Variants in PLAUR observed in about 807,000 individuals in gnomAD.
The protein encoded by PLAUR is plasminogen activator, urokinase receptor, also known as urokinase plasminogen activator surface receptor.
Under a neutral mutation model 33.4 loss-of-function variants are expected in PLAUR, and 22 were observed. That is an observed-to-expected ratio of 0.66 (90% confidence interval 0.47 to 0.94). The LOEUF (loss-of-function observed/expected upper bound fraction) is 0.94. Ranked by LOEUF, PLAUR falls within the 40% of genes least tolerant of loss-of-function variation. The pLI is 0.00. For missense variants in PLAUR, 408 were observed against 434.7 expected (o/e 0.94, Z 0.55); for synonymous variants, 148 against 167.3 (o/e 0.88, Z 0.89).
At chr19:43,667,513 G>T in intron 2 of PLAUR, 68 bp downstream of exon 2, 2 of 1,071,494 alleles carry the variant, frequency 1.9e-6, no homozygotes, top group South Asian at 1.3e-5. Flanking sequence ...TTACTGGTGA[G>T]GAAGGTTTCT....
Position 43,670,089 on chromosome 19 carries a change from A to G in PLAUR, c.32T>C (p.Leu11Pro), listed in dbSNP as rs755139842. Residue 11 changes from leucine to proline, a missense_variant, in exon 1 of 7, where the codon CTG becomes CCG. Transcript: ENST00000340093. ...ACCTGGGACGCAGGTGTGGAGCAGC[A>G]GCAGCAGCGGCAGCAGCGGCGGGTG... is the stretch of plus-strand genomic sequence containing the variant. MGHPPLLPLL[L>P]LLHTCVPASW... 6.2e-7 allele frequency: 1 copy of G among 1,613,188 alleles called. No individual in the cohort carries two copies. Among genetic ancestry groups the G allele is most frequent in the Non-Finnish European group, 8.5e-7 (1 of 1,179,644 alleles).
Position 43,659,167 on chromosome 19 carries a change from C to CTTTTTTTTTTTTTTTTT in PLAUR, c.311-2528_311-2527insAAAAAAAAAAAAAAAAA, listed in dbSNP as rs3052823. Among the ~76,000 whole-genome samples the CTTTTTTTTTTTTTTTTT allele has an allele frequency of 1.2e-3, 112 of 97,090 alleles. 4 individuals are homozygous for CTTTTTTTTTTTTTTTTT. The highest frequency in any genetic ancestry group is 1.4e-3 in the Non-Finnish European group (74 of 52,272). The allele number at this position is 97,090 out of a possible 152,430, so 63.7% of individuals were successfully genotyped here. On this transcript the variant is annotated intron_variant, in intron 3 of 6. Transcript: ENST00000340093. Reference sequence around the variant, plus strand: ...GCTATTTTCCTTTTTCTTTTCTTTTCTTTTTTTTTTTTTTTGAGATAGGGT... The same window carrying CTTTTTTTTTTTTTTTTT: ...GCTATTTTCCTTTTTCTTTTCTTTTCTTTTTTTTTTTTTTTTTTTTTTTTTTTTTTTTGAGATAGGGT...
intron 6 of PLAUR, 31 bp downstream of exon 6, chr19:43,652,194 T>C (rs1264420302): frequency 3.1e-6 from 5 of 1,611,664 alleles, no homozygotes; most frequent in Non-Finnish European, 8.5e-7. Context: ...CCCCAATAAG[T>C]GTTCCCTCCC....
Position 43,670,125 on chromosome 19 carries a change from C to T in PLAUR, c.-5G>A. The T allele has an allele frequency of 1.9e-6, 3 of 1,609,766 alleles. No homozygotes were observed. Among genetic ancestry groups the T allele is most frequent in the Non-Finnish European group, 2.5e-6 (3 of 1,177,766 alleles). On this transcript the variant is annotated 5_prime_UTR_variant, in exon 1 of 7. Transcript: ENST00000340093. Reference sequence around the variant, plus strand: ...CAGCAGCGGCGGGTGACCCATGTCGCGAGGGCAGCTCCTGTGCGCGGGGTC... The same window carrying T: ...CAGCAGCGGCGGGTGACCCATGTCGTGAGGGCAGCTCCTGTGCGCGGGGTC...
At chr19:43,655,392 A>C (rs1419935470) in intron 5 of PLAUR, 47 bp downstream of exon 5, 1 of 1,599,714 alleles carries the variant, frequency 6.3e-7, no homozygotes, top group Admixed American at 1.7e-5. Context: ...GCCTGAGTGC[A>C]TGCCCCTGCC....
chr19:43,658,271 G>A (rs760599987), intron 3 of PLAUR, among the ~76,000 whole-genome samples: 1 of 152,158 alleles, frequency 6.6e-6, no homozygotes, highest in East Asian at 1.9e-4. Flanking sequence ...GCCATGGGAG[G>A]GGAGCATTCA....
intron 6 of PLAUR, among the ~76,000 whole-genome samples, chr19:43,651,366 C>T (rs150618033): frequency 0.023 from 3,515 of 152,148 alleles, 155 homozygotes; most frequent in African/African-American, 0.08. Context: ...CGTGAGCCAC[C>T]ACTCCTGGTT....
At chr19:43,665,214 T>C (rs1967172912) in intron 3 of PLAUR, 102 bp downstream of exon 3, 1 of 1,211,662 alleles carries the variant, frequency 8.3e-7, no homozygotes, top group Admixed American at 1.8e-5. Flanking sequence ...AGGCATGGAG[T>C]TGGGGTTCAG....
chr19:43,660,060 C>G lies in PLAUR; in HGVS notation c.311-3420G>C, dbSNP rs772997750. On this transcript the variant is annotated intron_variant, in intron 3 of 6. Transcript: ENST00000340093. Reference sequence around the variant, plus strand: ...TCTCTTGGTTTCTGGTCAATTGGTCCCTTTTATTTTCTTCAGGATACCTTG... The same window carrying G: ...TCTCTTGGTTTCTGGTCAATTGGTCGCTTTTATTTTCTTCAGGATACCTTG... 5.7e-4 allele frequency among the ~76,000 whole-genome samples: 86 copies of G among 151,894 alleles called. 1 individual carries two copies. Among genetic ancestry groups the G allele is most frequent in the Admixed American group, 9.8e-4 (15 of 15,260 alleles).
In PLAUR at chr19:43,670,029, C is replaced by T. The variant is rs369947389; in HGVS notation, c.55+37G>A. 2.7e-5 allele frequency: 44 copies of T among 1,608,386 alleles called. 1 individual carries two copies. The African/African-American group carries it at 5.7e-4, about 21-fold the overall frequency. ...AACCCCCAACCCCCTCAATTAGACC[C>T]TGTTCCAGGCGCAGGCGTTCGGGAC... On this transcript the variant is annotated intron_variant, in intron 1 of 6. Coordinates refer to ENST00000340093, the MANE Select transcript of PLAUR (RefSeq NM_002659.4).
rs560451512 is a variant in PLAUR at position 43,654,346 on chromosome 19, G to A, written c.607+1093C>T. On this transcript the variant is annotated intron_variant, in intron 5 of 6. Transcript: ENST00000340093. ...TAAACAAAGACTGTGAGGCAGACAG[G>A]TGCCAGATTACATAGGCCAACAGAA... Among the ~76,000 whole-genome samples, 3 of 152,074 alleles carry A rather than the reference G, an allele frequency of 2.0e-5. No individual in the cohort carries two copies. In the East Asian group the frequency reaches 5.8e-4, roughly 29 times the overall value.
At chr19:43,646,103 A>AT (rs559673319), downstream of PLAUR, 418 of 171,754 alleles carry the variant, frequency 2.4e-3, 3 homozygotes, top group Middle Eastern at 3.0e-3. Flanking sequence ...CATCCAGCCA[A>AT]TTTTTTTTTA....
chr19:43,649,617 G>A lies in PLAUR; in HGVS notation c.755-474C>T, dbSNP rs1466048220. Reference sequence around the variant, plus strand: ...AGAAGGAAGGGAGGAAGGGAAGAAGGGAAAGAAAAGAAAGAAAGAGAGAGA... The same window carrying A: ...AGAAGGAAGGGAGGAAGGGAAGAAGAGAAAGAAAAGAAAGAAAGAGAGAGA... On this transcript the variant is annotated intron_variant, in intron 6 of 6. Transcript: ENST00000340093. 2.1e-5 allele frequency among the ~76,000 whole-genome samples: 3 copies of A among 142,654 alleles called. No individual in the cohort carries two copies. In the Admixed American group the frequency reaches 2.2e-4, roughly 11 times the overall value. 93.6% of individuals were successfully genotyped at this position (142,654 alleles called of 152,430 possible).
chr19:43,653,840 G>A (rs1008754043), intron 5 of PLAUR, among the ~76,000 whole-genome samples: 1 of 150,834 alleles, frequency 6.6e-6, no homozygotes, highest in African/African-American at 2.4e-5. Context: ...ATTTAGCTGG[G>A]TGCGGCCGGG....
intron 3 of PLAUR, among the ~76,000 whole-genome samples, chr19:43,657,663 G>T (rs576759454): frequency 1.7e-4 from 26 of 152,320 alleles, no homozygotes; most frequent in African/African-American, 5.5e-4. Context: ...GTCACTGTCT[G>T]GTGACAGGTA....
At chr19:43,659,931 T>G (rs1376094966) in intron 3 of PLAUR, among the ~76,000 whole-genome samples, 2 of 152,216 alleles carry the variant, frequency 1.3e-5, no homozygotes, top group Non-Finnish European at 2.9e-5. Flanking sequence ...AAACATATCC[T>G]TTCTTCTGTT....
chr19:43,661,165 C>G (rs1261944485), intron 3 of PLAUR: 1 of 152,186 alleles, frequency 6.6e-6, no homozygotes, highest in Non-Finnish European at 1.5e-5. Flanking sequence ...TTCTGTGGTC[C>G]CATCCATTCC....
At chr19:43,651,732 G>A (rs1228624991) in intron 6 of PLAUR, 4 of 924,494 alleles carry the variant, frequency 4.3e-6, no homozygotes, top group Admixed American at 5.9e-5. Context: ...CACCACACCT[G>A]GCCAAAAATA....
rs138492321 is a variant in PLAUR, at chr19:43,649,096, T to C, written c.802A>G (p.Met268Val). Reference protein sequence around the residue: ...YMVRGCATASMCQHAHLGDAF... With the variant: ...YMVRGCATASVCQHAHLGDAF... ...TCACCCAGGTGGGCATGTTGGCACA[T>C]TGAGGCGGTTGCACAGCCTCTTACC... Residue 268 changes from methionine to valine, a missense_variant, in exon 7 of 7, where the codon ATG (methionine) becomes GTG (valine). Physicochemically the swap from Met to Val is conservative, Grantham distance 21. Coordinates refer to ENST00000340093, the MANE Select transcript of PLAUR (RefSeq NM_002659.4). The C allele has an allele frequency of 4.3e-3, 6,968 of 1,614,122 alleles. 24 individuals are homozygous for C. The highest frequency in any genetic ancestry group is 6.0e-3 in the Admixed American group (358 of 60,024).
Sources: gnomAD v4.1 joint callset for allele counts (sites outside exome capture counted in the v4.1 genomes callset) on GRCh38, gnomAD v4.1.1 for gene constraint, MANE v1.5 for transcripts, NCBI Gene and HGNC (gene_info 2026-07-23, HGNC 2026-07-21) for gene names.